B4GALNT3: variants seen among roughly 807,000 people sequenced by gnomAD.
The protein encoded by B4GALNT3 is beta-1,4-N-acetyl-galactosaminyltransferase 3, also known as beta-1,4-N-acetylgalactosaminyltransferase 3.
B4GALNT3 carries 86 observed loss-of-function variants against 120.2 expected under a neutral mutation model. The observed-to-expected ratio is 0.72, with a 90% CI of 0.60 to 0.86. The LOEUF is 0.86. Ranked by LOEUF, B4GALNT3 falls within the 40% of genes least tolerant of loss-of-function variation. The pLI, the probability that B4GALNT3 is intolerant of heterozygous loss-of-function variation, is 0.00. For missense variants in B4GALNT3, 1,167 were observed against 1,298.9 expected, an observed-to-expected ratio of 0.90 and a Z score of 1.56; for synonymous variants, 518 against 510.4, an observed-to-expected ratio of 1.01 and a Z score of -0.20.
intron 1 of B4GALNT3, among the ~76,000 whole-genome samples, chr12:466,744 T>G (rs1946084621): frequency 6.6e-6 from 1 of 152,222 alleles, no homozygotes; most frequent in Admixed American, 6.5e-5. Context: ...TTCTTTGTAT[T>G]CTTGTAATAT....
At chr12:557,365 G>A (rs1592059643) in intron 15 of B4GALNT3, among the ~76,000 whole-genome samples, 1 of 152,234 alleles carries the variant, frequency 6.6e-6, no homozygotes, top group Middle Eastern at 3.4e-3. Flanking sequence ...GCCTTCTCGT[G>A]GGTCCCCTGC....
Position 550,915 on chromosome 12 carries a change from TCCTCAGTG to T in B4GALNT3, c.998-2_1003del, listed in dbSNP as rs1947074602. On this transcript the variant is annotated splice_acceptor_variant and splice_polypyrimidine_tract_variant and coding_sequence_variant and intron_variant, in exon 11 of 20. Coordinates refer to ENST00000266383, the MANE Select transcript of B4GALNT3 (RefSeq NM_173593.4). LOFTEE classifies it high-confidence loss of function. This position sits in a 1 kb window ranked among gnomAD's most constrained non-coding sequence, Gnocchi z 4.1. ...CACCCTCACTCCTCCTCCTCCACTG[TCCTCAGTG>T]CCTCTGATCCCCAAGTCGCATCTCC... The T allele has an allele frequency of 6.2e-7, 1 of 1,602,706 alleles. No individual in the cohort carries two copies. The highest frequency in any genetic ancestry group is 1.3e-5 in the African/African-American group (1 of 74,680).
chr12:530,348 A>G (rs536043523), intron 1 of B4GALNT3, among the ~76,000 whole-genome samples: 1 of 152,346 alleles, frequency 6.6e-6, no homozygotes, highest in African/African-American at 2.4e-5. Flanking sequence ...TTTGTCTGCT[A>G]AGTTGAAAGT....
chr12:504,451 C>A (rs1946475979), intron 1 of B4GALNT3, among the ~76,000 whole-genome samples: 1 of 114,464 alleles, frequency 8.7e-6, no homozygotes, highest in Admixed American at 7.9e-5. Flanking sequence ...CCGCAGCCGC[C>A]CCCCCGCCCC....
rs576933115 is a variant in B4GALNT3 at position 470,686 on chromosome 12, G to A, written c.169+10141G>A. On this transcript the variant is annotated intron_variant, in intron 1 of 19. Coordinates refer to ENST00000266383, the MANE Select transcript of B4GALNT3 (RefSeq NM_173593.4). ...CACAGAAAATGGGTAGAGAAATGAG[G>A]GAACGAAATGGAGGGAGAGACCGCT... Among the ~76,000 whole-genome samples, 14 of 152,276 alleles carry A rather than the reference G, an allele frequency of 9.2e-5. No homozygotes were observed. In the East Asian group the frequency reaches 2.7e-3, roughly 29 times the overall value.
At chr12:546,570 TG>T in intron 6 of B4GALNT3, 75 bp from the exon 7 acceptor site, 1 of 1,319,724 alleles carries the variant, frequency 7.6e-7, no homozygotes, top group Non-Finnish European at 1.1e-6. Flanking sequence ...TTCTCCTTCC[TG>T]GTCTCGCACT....
At chr12:508,272 C>T (rs2120562425) in intron 1 of B4GALNT3, among the ~76,000 whole-genome samples, 1 of 152,262 alleles carries the variant, frequency 6.6e-6, no homozygotes, top group South Asian at 2.1e-4. Flanking sequence ...TTTGAAACAA[C>T]TTACTTTTGT....
At chr12:504,937 A>T (rs1158192780) in intron 1 of B4GALNT3, among the ~76,000 whole-genome samples, 1 of 149,114 alleles carries the variant, frequency 6.7e-6, no homozygotes, top group South Asian at 2.1e-4. Context: ...GTTGCCCAGG[A>T]TGGAGTGCAG....
In B4GALNT3 at chr12:553,263, A is replaced by C. The variant is rs1424092894; in HGVS notation, c.1340A>C (p.Asn447Thr). 8 of 1,613,560 alleles carry C rather than the reference A, an allele frequency of 5.0e-6. No individual in the cohort carries two copies. The highest frequency in any genetic ancestry group is 6.8e-6 in the Non-Finnish European group (8 of 1,180,030). ...EVAEETPASN[N>T]QNARMLEGRQ... ...GCAGAGGAGACCCCTGCCTCCAACA[A>C]CCAGAATGCCAGGATGCTTGAGGGA... Residue 447 changes from asparagine to threonine, a missense_variant, in exon 14 of 20, where the codon AAC (asparagine) becomes ACC (threonine). By Grantham distance (65) the Asn-to-Thr change is moderately conservative (BLOSUM62 0). This residue lies in a region of B4GALNT3 where 983 missense variants were observed against 1,102.5 expected (regional missense o/e 0.89). Transcript: ENST00000266383.
chr12:511,407 C>CCTTCCACCTTCTACCTTCCACCTT lies in B4GALNT3; in HGVS notation c.170-23748_170-23747insTACCTTCCACCTTCTTCCACCTTC, dbSNP rs1946555244. Among the ~76,000 whole-genome samples, 14 of 69,300 alleles carry CCTTCCACCTTCTACCTTCCACCTT rather than the reference C, an allele frequency of 2.0e-4. 1 individual carries two copies. The highest frequency in any genetic ancestry group is 7.8e-4 in the African/African-American group (12 of 15,454). The allele number at this position is 69,300 out of a possible 152,430, so 45.5% of individuals were successfully genotyped here. A position where few individuals can be genotyped will look rare whatever the true frequency, so the allele number is the denominator to read the frequency against. On this transcript the variant is annotated intron_variant, in intron 1 of 19. Transcript: ENST00000266383. ...CCTTCCACCTTCTGTCTTCCACCTT[C>CCTTCCACCTTCTACCTTCCACCTT]CTTCCACCTTCCACCTTCCACCTTC...
chr12:500,865 C>CTTTTTTTTTTTTTTTTTTTT lies in B4GALNT3; in HGVS notation c.170-34300_170-34281dup, dbSNP rs55927726. 1.5e-3 allele frequency among the ~76,000 whole-genome samples: 93 copies of CTTTTTTTTTTTTTTTTTTTT among 61,804 alleles called. 27 individuals carry two copies. Among genetic ancestry groups the CTTTTTTTTTTTTTTTTTTTT allele is most frequent in the African/African-American group, 5.1e-3 (68 of 13,332 alleles). The allele number at this position is 61,804 out of a possible 152,430, so 40.5% of individuals were successfully genotyped here. A position where few individuals can be genotyped will look rare whatever the true frequency, so the allele number is the denominator to read the frequency against. ...CTGAATTTGAATCCTGGCTCCACTG[C>CTTTTTTTTTTTTTTTTTTTT]TTTTTTTTTTTTTTTTTTTTGACAC... On this transcript the variant is annotated intron_variant, in intron 1 of 19. Transcript: ENST00000266383.
chr12:483,883 A>C (rs1469019501), intron 1 of B4GALNT3, among the ~76,000 whole-genome samples: 2 of 152,154 alleles, frequency 1.3e-5, no homozygotes, highest in African/African-American at 4.8e-5. Context: ...CATCTTAGCC[A>C]TGACACTGCA....
intron 4 of B4GALNT3, 48 bp from the exon 5 acceptor site, chr12:544,834 C>A: frequency 6.3e-7 from 1 of 1,588,458 alleles, no homozygotes; most frequent in South Asian, 1.1e-5. Flanking sequence ...CGGGAAGTTT[C>A]CTTTTCCCTC....
At chr12:552,026 A>C in intron 11 of B4GALNT3, 37 bp from the exon 12 acceptor site, 5 of 1,460,824 alleles carry the variant, frequency 3.4e-6, no homozygotes, top group Non-Finnish European at 4.8e-6. Flanking sequence ...CCAAGATCTC[A>C]CTCTCTTACT....
rs1353208908 is a variant in B4GALNT3 at position 546,689 on chromosome 12, G to A, written c.683G>A (p.Arg228Gln). The A allele has an allele frequency of 2.6e-6, 4 of 1,551,354 alleles. No individual in the cohort carries two copies. The highest frequency in any genetic ancestry group is 2.4e-5 in the East Asian group (1 of 40,912). Residue 228 changes from arginine (R) to glutamine (Q), a missense_variant, in exon 7 of 20, where the codon CGG (arginine) becomes CAG (glutamine). Arg to Gln is a conservative substitution (Grantham distance 43). Coordinates refer to ENST00000266383, the MANE Select transcript of B4GALNT3 (RefSeq NM_173593.4). ...WTAPGEFGKF[R>Q]SQISKPVSLS... ...GCCCCGGGAGAGTTTGGGAAATTTC[G>A]GAGCCAAATTTCCAAGCCGGTGAGG...
rs144969025 is a variant in B4GALNT3, at chr12:510,408, C to T, written c.170-24758C>T. Among the ~76,000 whole-genome samples, 353 of 126,244 alleles carry T rather than the reference C, an allele frequency of 2.8e-3. 1 individual carries two copies. Among genetic ancestry groups the T allele is most frequent in the African/African-American group, 9.2e-3 (337 of 36,512 alleles). The allele number at this position is 126,244 out of a possible 152,430, so 82.8% of individuals were successfully genotyped here. On this transcript the variant is annotated intron_variant, in intron 1 of 19. Coordinates refer to ENST00000266383, the MANE Select transcript of B4GALNT3 (RefSeq NM_173593.4). ...CAATGGGAAGGGCTAGCAGCTCCCC[C>T]GATCCTCTTCCTACTGTGACCTGAG...
At chr12:496,234 G>C (rs1449845257) in intron 1 of B4GALNT3, among the ~76,000 whole-genome samples, 1 of 151,982 alleles carries the variant, frequency 6.6e-6, no homozygotes, top group Non-Finnish European at 1.5e-5. Flanking sequence ...CAGCAGCCTT[G>C]GTCCCTGGGC....
At chr12:470,934 G>C (rs906108689) in intron 1 of B4GALNT3, among the ~76,000 whole-genome samples, 1 of 151,674 alleles carries the variant, frequency 6.6e-6, no homozygotes, top group Non-Finnish European at 1.5e-5. Context: ...TCGCCATGTT[G>C]GTCAGGCTGG....
At chr12:472,077 T>C (rs897088048) in intron 1 of B4GALNT3, among the ~76,000 whole-genome samples, 1 of 152,224 alleles carries the variant, frequency 6.6e-6, no homozygotes, top group African/African-American at 2.4e-5. Context: ...AAGGTGAATA[T>C]TTCCATTTGA....
Sources: allele counts gnomAD v4.1 joint callset (sites outside exome capture counted in the v4.1 genomes callset), GRCh38; gene constraint gnomAD v4.1.1; regional missense constraint gnomAD v4.1.1; non-coding constraint Gnocchi (gnomAD v3.1); transcripts MANE v1.5; gene names NCBI Gene and HGNC (gene_info 2026-07-23, HGNC 2026-07-21).